The following PEX5L variants were observed in gnomAD, a reference collection of about 807,000 sequenced individuals.
PEX5L encodes peroxisomal biogenesis factor 5 like.
A neutral mutation model predicts 84.0 loss-of-function variants in PEX5L; 30 were observed. The ratio of observed to expected loss-of-function variants is 0.36; its 90% CI spans 0.27 to 0.48. The LOEUF (loss-of-function observed/expected upper bound fraction) is 0.48. Among genes scored for constraint, PEX5L ranks in the 20% least tolerant of loss-of-function variants. The pLI, the probability that PEX5L is intolerant of heterozygous loss-of-function variation, is 0.99. For missense variants in PEX5L, 533 were observed against 754.6 expected, an observed-to-expected ratio of 0.71 and a Z score of 3.44; for synonymous variants, 270 against 283.1, an observed-to-expected ratio of 0.95 and a Z score of 0.46.
chr3:180,023,779 G>C (rs1477756774), intron 1 of PEX5L, among the ~76,000 whole-genome samples: 2 of 143,002 alleles, frequency 1.4e-5, no homozygotes, highest in Non-Finnish European at 3.0e-5. Context: ...CACAGAGAGA[G>C]AGAGAGAGAG....
At chr3:180,031,425 C>A (rs549860177) in intron 1 of PEX5L, among the ~76,000 whole-genome samples, 10 of 152,082 alleles carry the variant, frequency 6.6e-5, no homozygotes, top group Non-Finnish European at 1.5e-4. Context: ...GCACTCTGGC[C>A]TTGGATTCAT....
chr3:179,926,843 T>C (rs926851610), intron 2 of PEX5L, among the ~76,000 whole-genome samples: 1 of 152,236 alleles, frequency 6.6e-6, no homozygotes, highest in African/African-American at 2.4e-5. Flanking sequence ...TGGGTAATTT[T>C]GGAAATGGCT....
chr3:179,985,397 A>G (rs1786720559), intron 1 of PEX5L, among the ~76,000 whole-genome samples: 1 of 152,166 alleles, frequency 6.6e-6, no homozygotes, highest in Non-Finnish European at 1.5e-5. Context: ...ACAATAACCA[A>G]AATGCAGGCT....
At chr3:179,943,911 T>C (rs1417383425) in intron 2 of PEX5L, among the ~76,000 whole-genome samples, 1 of 152,148 alleles carries the variant, frequency 6.6e-6, no homozygotes, top group Non-Finnish European at 1.5e-5. Context: ...TAAGGCTTCC[T>C]GGTAAAACTG....
At chr3:179,809,073 C>CAAAAAACAAAAAAAA (rs1722660784) in intron 12 of PEX5L, among the ~76,000 whole-genome samples, 1 of 47,772 alleles carries the variant, frequency 2.1e-5, no homozygotes, top group Non-Finnish European at 3.6e-5. Context: ...GATTCCGCCT[C>CAAAAAACAAAAAAAA]AAAAAAAAAA....
At chr3:179,817,111 A>G (rs1259896097) in intron 9 of PEX5L, among the ~76,000 whole-genome samples, 1 of 152,228 alleles carries the variant, frequency 6.6e-6, no homozygotes, top group African/African-American at 2.4e-5. Context: ...AACCATTGTC[A>G]TAGCTAAGAA....
chr3:179,856,421 T>C (rs1432120563), intron 8 of PEX5L, among the ~76,000 whole-genome samples: 2 of 152,328 alleles, frequency 1.3e-5, no homozygotes, highest in South Asian at 4.2e-4. Flanking sequence ...TACTTCGGCT[T>C]TTTCCAAATT....
At chr3:179,860,665 AC>A (rs751940623) in intron 7 of PEX5L, among the ~76,000 whole-genome samples, 2 of 151,620 alleles carry the variant, frequency 1.3e-5, no homozygotes, top group Non-Finnish European at 2.9e-5. Context: ...CCTGAAGGGG[AC>A]CCCCCTCTTC....
At chr3:179,844,519 GAAGCGGTT>G (rs577097768) in intron 8 of PEX5L, among the ~76,000 whole-genome samples, 3 of 152,296 alleles carry the variant, frequency 2.0e-5, no homozygotes, top group African/African-American at 7.2e-5. Flanking sequence ...CATAGACAAG[GAAGCGGTT>G]AACTTCAAAT....
chr3:179,992,131 G>A (rs894398744), intron 1 of PEX5L, among the ~76,000 whole-genome samples: 1 of 152,124 alleles, frequency 6.6e-6, no homozygotes, highest in Non-Finnish European at 1.5e-5. Flanking sequence ...TGAAGACAGA[G>A]TAGAGACACA....
rs112285009 is a variant in PEX5L, at chr3:180,024,381, CAAAAAAAAAA to C, written c.21+12188_21+12197del. ...ATATATATATATATATATACACACA[CAAAAAAAAAA>C]AAAATTAGCCGTGCGTGGTGGCAGG... is the stretch of plus-strand genomic sequence containing the variant. On this transcript the variant is annotated intron_variant, in intron 1 of 14. Coordinates refer to ENST00000467460, the MANE Select transcript of PEX5L (RefSeq NM_016559.3). Among the ~76,000 whole-genome samples, 7 of 100,906 alleles carry C rather than the reference CAAAAAAAAAA, an allele frequency of 6.9e-5. 1 individual carries two copies. The highest frequency in any genetic ancestry group is 2.6e-4 in the African/African-American group (7 of 26,820). The allele number at this position is 100,906 out of a possible 152,430, so 66.2% of individuals were successfully genotyped here. A position where few individuals can be genotyped will look rare whatever the true frequency, so the allele number is the denominator to read the frequency against.
intron 2 of PEX5L, among the ~76,000 whole-genome samples, chr3:179,952,650 C>T (rs1350373804): frequency 1.3e-5 from 2 of 152,062 alleles, no homozygotes; most frequent in Non-Finnish European, 1.5e-5. Flanking sequence ...TAGGAAAAAT[C>T]AATATTGTGA....
intron 2 of PEX5L, among the ~76,000 whole-genome samples, chr3:179,928,945 A>G (rs1772232493): frequency 6.6e-6 from 1 of 152,142 alleles, no homozygotes; most frequent in African/African-American, 2.4e-5. Flanking sequence ...AAATTTGTAA[A>G]CAGCTGTCCC....
Position 179,798,488 on chromosome 3 carries a change from AG to A in PEX5L, c.*3339del, listed in dbSNP as rs1312034014. On this transcript the variant is annotated 3_prime_UTR_variant, in exon 15 of 15. Transcript: ENST00000467460. The stretch of plus-strand genomic sequence containing the variant: ...CAACAGCATGTAGAAGTAGCCTACT[AG>A]AAATGGTTATATTTTGAAACTCAGC... 3.9e-5 allele frequency: 6 copies of A among 152,214 alleles called. No individual in the cohort carries two copies. Among genetic ancestry groups the A allele is most frequent in the African/African-American group, 1.4e-4 (6 of 41,450 alleles). The allele number at this position is 152,214 out of a possible 1,614,324, so 9.4% of individuals were successfully genotyped here.
intron 1 of PEX5L, chr3:179,973,640 A>G (rs1579177320): frequency 2.0e-6 from 2 of 985,384 alleles, no homozygotes; most frequent in African/African-American, 3.5e-5. Context: ...CTTGACAATC[A>G]CTGCTAACAG....
chr3:179,910,149 A>C (rs764193407), intron 2 of PEX5L, among the ~76,000 whole-genome samples: 4 of 152,208 alleles, frequency 2.6e-5, no homozygotes, highest in Non-Finnish European at 5.9e-5. Flanking sequence ...AAAGGACTTC[A>C]TAGGGATTGA....
intron 8 of PEX5L, among the ~76,000 whole-genome samples, chr3:179,838,010 A>C (rs9681071): frequency 0.25 from 37,812 of 152,070 alleles, 4,827 homozygotes; most frequent in African/African-American, 0.27. Flanking sequence ...AAATGTTTGC[A>C]TGTAGCCATC....
intron 1 of PEX5L, among the ~76,000 whole-genome samples, chr3:180,009,576 C>CTT (rs71629907): frequency 8.7e-5 from 13 of 148,632 alleles, no homozygotes; most frequent in South Asian, 2.1e-4. Context: ...TTTTTCTTTT[C>CTT]TTTTTTTTTT....
chr3:179,808,471 C>T (rs769522923), intron 12 of PEX5L, 34 bp from the exon 13 acceptor site: 1 of 1,342,500 alleles, frequency 7.4e-7, no homozygotes, highest in Non-Finnish European at 9.8e-7. Flanking sequence ...ATTTGTAATC[C>T]AAATAGTCAG....
Sources: allele counts gnomAD v4.1 joint callset (sites outside exome capture counted in the v4.1 genomes callset), GRCh38; gene constraint gnomAD v4.1.1; transcripts MANE v1.5; gene names NCBI Gene and HGNC (gene_info 2026-07-23, HGNC 2026-07-21).